Variants in ARMC8 observed in about 807,000 individuals in gnomAD.
ARMC8 encodes armadillo repeat-containing protein 8.
A neutral mutation model predicts 99.3 loss-of-function variants in ARMC8; 20 were observed. That is an observed-to-expected ratio of 0.20 (90% CI 0.14 to 0.29). The LOEUF is 0.29. Ranked by LOEUF, ARMC8 falls within the 10% of genes least tolerant of loss-of-function variation. The pLI, the probability that ARMC8 is intolerant of heterozygous loss-of-function variation, is 1.00. For synonymous variants in ARMC8, 263 were observed against 278.3 expected, an observed-to-expected ratio of 0.95 and a Z score of 0.55; for missense variants, 569 against 809.5, an observed-to-expected ratio of 0.70 and a Z score of 3.60.
intron 11 of ARMC8, among the ~76,000 whole-genome samples, chr3:138,242,307 CTGT>C (rs2046665891): frequency 1.3e-5 from 2 of 152,170 alleles, no homozygotes; most frequent in South Asian, 4.1e-4. Flanking sequence ...GGAATCATCT[CTGT>C]TGTTACATTC....
At chr3:138,237,863 T>C (rs1325496418) in intron 9 of ARMC8, among the ~76,000 whole-genome samples, 1 of 152,170 alleles carries the variant, frequency 6.6e-6, no homozygotes, top group Non-Finnish European at 1.5e-5. Flanking sequence ...GAAATAATAC[T>C]GAATTAGATT....
chr3:138,202,528 G>A (rs1017401379), intron 1 of ARMC8, among the ~76,000 whole-genome samples: 4 of 152,042 alleles, frequency 2.6e-5, no homozygotes, highest in African/African-American at 4.8e-5. Flanking sequence ...TCTGAAAATC[G>A]GTATTTCAGG....
chr3:138,223,760 T>C (rs755766981), intron 5 of ARMC8, 27 bp downstream of exon 5: 8 of 1,571,008 alleles, frequency 5.1e-6, no homozygotes, highest in Middle Eastern at 3.3e-4. Flanking sequence ...TTTGAGACAT[T>C]AGTTACATTT....
chr3:138,259,947 C>T (rs2047606550), intron 12 of ARMC8, among the ~76,000 whole-genome samples: 1 of 152,156 alleles, frequency 6.6e-6, no homozygotes, highest in South Asian at 2.1e-4. Context: ...GCCCCATGGT[C>T]CCTGTCATTC....
chr3:138,279,301 G>T (rs1430000556), intron 18 of ARMC8, among the ~76,000 whole-genome samples: 1 of 151,582 alleles, frequency 6.6e-6, no homozygotes, highest in Non-Finnish European at 1.5e-5. Flanking sequence ...ACTTTCTTTT[G>T]CATCTGTTGA....
chr3:138,250,002 AT>A (rs1443471991), intron 12 of ARMC8, among the ~76,000 whole-genome samples: 4 of 152,228 alleles, frequency 2.6e-5, no homozygotes, highest in Admixed American at 2.0e-4. Flanking sequence ...ATTTTCAAGA[AT>A]TGAAAACATG....
intron 12 of ARMC8, chr3:138,246,206 T>A (rs1175357570): frequency 1.0e-6 from 1 of 985,624 alleles, no homozygotes; most frequent in African/African-American, 1.7e-5. Context: ...GCAATAAGAT[T>A]TGATGTGTGA....
intron 6 of ARMC8, 134 bp downstream of exon 6, chr3:138,229,144 A>ATATATATATG (rs2045860445): frequency 1.6e-4 from 7 of 44,840 alleles, no homozygotes; most frequent in African/African-American, 7.3e-4. Context: ...GTATATATAT[A>ATATATATATG]TATATATATA....
At chr3:138,282,531 G>A (rs1054844417) in intron 18 of ARMC8, among the ~76,000 whole-genome samples, 12 of 150,612 alleles carry the variant, frequency 8.0e-5, no homozygotes, top group African/African-American at 2.9e-4. Context: ...TGTAATCCCA[G>A]TTACTTGGGA....
At chr3:138,223,787 CTAA>C (rs2045533075) in intron 5 of ARMC8, 54 bp downstream of exon 5, 1 of 1,457,580 alleles carries the variant, frequency 6.9e-7, no homozygotes, top group East Asian at 2.3e-5. Flanking sequence ...CAGCCTACTC[CTAA>C]TTTGCTTAGC....
At chr3:138,294,103 A>G (rs1417286348) in intron 21 of ARMC8, among the ~76,000 whole-genome samples, 1 of 152,214 alleles carries the variant, frequency 6.6e-6, no homozygotes, top group African/African-American at 2.4e-5. Flanking sequence ...ACCTCTGAAT[A>G]AGATCCAGAA....
chr3:138,257,299 G>A (rs2047456507), intron 12 of ARMC8, among the ~76,000 whole-genome samples: 1 of 152,104 alleles, frequency 6.6e-6, no homozygotes, highest in Admixed American at 6.5e-5. Flanking sequence ...GCTTTACTTT[G>A]TTTTAATAAA....
intron 5 of ARMC8, among the ~76,000 whole-genome samples, chr3:138,225,673 A>C (rs1278813904): frequency 6.6e-6 from 1 of 152,192 alleles, no homozygotes; most frequent in Admixed American, 6.5e-5. Context: ...TCTGGTTTCT[A>C]TGCTATCATT....
At chr3:138,193,477 G>T (rs2043514213) in intron 1 of ARMC8, among the ~76,000 whole-genome samples, 1 of 151,190 alleles carries the variant, frequency 6.6e-6, no homozygotes, top group Non-Finnish European at 1.5e-5. Context: ...TGTTGGCCAG[G>T]CTGGTCTCAA....
intron 12 of ARMC8, chr3:138,262,593 A>G: frequency 1.3e-6 from 2 of 1,566,276 alleles, no homozygotes; most frequent in Non-Finnish European, 1.7e-6. Context: ...TCACCTGAGG[A>G]GATTAAAAAA....
At chr3:138,192,725 G>A (rs1265848804) in intron 1 of ARMC8, among the ~76,000 whole-genome samples, 1 of 151,756 alleles carries the variant, frequency 6.6e-6, no homozygotes, top group Non-Finnish European at 1.5e-5. Flanking sequence ...CATGTAGACG[G>A]GGTTTCACCA....
At chr3:138,203,149 C>A (rs1408564739) in intron 1 of ARMC8, among the ~76,000 whole-genome samples, 1 of 152,182 alleles carries the variant, frequency 6.6e-6, no homozygotes, top group African/African-American at 2.4e-5. Context: ...GGATTGATTA[C>A]TCAGCTTAAT....
intron 11 of ARMC8, 67 bp from the exon 12 acceptor site, chr3:138,245,017 TCAAC>T: frequency 3.2e-6 from 5 of 1,538,468 alleles, no homozygotes; most frequent in Admixed American, 4.1e-5. Flanking sequence ...TTTTTTTTCT[TCAAC>T]TCAGTTAATG....
At chr3:138,231,347 TTAAGC>T (rs765776289) in intron 6 of ARMC8, among the ~76,000 whole-genome samples, 2 of 152,168 alleles carry the variant, frequency 1.3e-5, no homozygotes, top group Admixed American at 1.3e-4. Context: ...GGGACTCACA[TTAAGC>T]TAAGATTAAA....
Sources: allele counts gnomAD v4.1 joint callset (sites outside exome capture counted in the v4.1 genomes callset), GRCh38; gene constraint gnomAD v4.1.1; transcripts MANE v1.5; gene names NCBI Gene and HGNC (gene_info 2026-07-23, HGNC 2026-07-21).